The following PCDHA7 variants were observed in gnomAD, a reference collection of about 807,000 sequenced individuals.
PCDHA7 encodes protocadherin alpha 7, also known as protocadherin alpha-7.
PCDHA7 carries 37 observed loss-of-function variants against 57.2 expected under a neutral mutation model. That is an observed-to-expected ratio of 0.65 (90% confidence interval 0.50 to 0.85). The LOEUF (loss-of-function observed/expected upper bound fraction) is 0.85. Ranked by LOEUF, PCDHA7 falls within the 40% of genes least tolerant of loss-of-function variation. PCDHA7 has a pLI of 0.00. For synonymous variants in PCDHA7, 553 were observed against 558.8 expected, an observed-to-expected ratio of 0.99 and a Z score of 0.15; for missense variants, 1,188 against 1,241.8, an observed-to-expected ratio of 0.96 and a Z score of 0.65.
At chr5:140,931,246 C>A (rs2087398062) in intron 1 of PCDHA7, among the ~76,000 whole-genome samples, 1 of 152,114 alleles carries the variant, frequency 6.6e-6, no homozygotes, top group East Asian at 1.9e-4. Flanking sequence ...ACTTTTCCTA[C>A]CAAGAAATTT....
intron 1 of PCDHA7, among the ~76,000 whole-genome samples, chr5:140,932,231 A>G (rs2088135026): frequency 6.6e-6 from 1 of 151,848 alleles, no homozygotes; most frequent in African/African-American, 2.4e-5. Context: ...AATTTTTTAG[A>G]ATGGTATCTA....
intron 1 of PCDHA7, chr5:140,869,457 T>C: frequency 6.2e-7 from 1 of 1,614,184 alleles, no homozygotes. Context: ...AGGTTTTCCA[T>C]GTGAACGTGG....
chr5:140,982,014 C>A (rs546904836), intron 2 of PCDHA7, among the ~76,000 whole-genome samples: 1 of 152,152 alleles, frequency 6.6e-6, no homozygotes, highest in Admixed American at 6.5e-5. Context: ...AATTAGATAG[C>A]CAAATTGGAA....
rs369786229 is a variant in PCDHA7 at position 140,858,286 on chromosome 5, G to T, written c.2355+21548G>T. ...TGTGCTCTAGCGCGGTGGGGAGCTGGTCTTACTCGCAGCAGAGGCGGCAGA... is the reference window on the plus strand; with the variant it reads ...TGTGCTCTAGCGCGGTGGGGAGCTGTTCTTACTCGCAGCAGAGGCGGCAGA... On this transcript the variant is annotated intron_variant, in intron 1 of 3. Coordinates refer to ENST00000525929, the MANE Select transcript of PCDHA7 (RefSeq NM_018910.3). 5.0e-6 allele frequency: 8 copies of T among 1,597,506 alleles called. 1 individual carries two copies. Among genetic ancestry groups the T allele is most frequent in the Non-Finnish European group, 6.9e-6 (8 of 1,167,336 alleles).
chr5:140,870,657 G>A (rs782619046), intron 1 of PCDHA7: 1 of 1,612,514 alleles, frequency 6.2e-7, no homozygotes, highest in East Asian at 2.2e-5. Context: ...AGGTGTACGC[G>A]CTGCAGCCGT....
intron 1 of PCDHA7, chr5:140,859,624 G>C (rs11749013): frequency 0.2 from 31,664 of 160,658 alleles, 6,158 homozygotes; most frequent in Middle Eastern, 0.25. Context: ...TTCTCTTTGA[G>C]TATGGAGATT....
In PCDHA7 at chr5:140,922,322, GA is replaced by G. The variant is rs2080774913; in HGVS notation, c.2356-56624del. Among the ~76,000 whole-genome samples the G allele has an allele frequency of 2.0e-5, 3 of 152,302 alleles. No homozygotes were observed. The East Asian group carries it at 5.8e-4, about 29-fold the overall frequency. ...AGGATACCTTTCACTGAAGATCTTG[GA>G]AAGGGTTGGTATATTGGTATTTTCT... On this transcript the variant is annotated intron_variant, in intron 1 of 3. Transcript: ENST00000525929.
chr5:140,915,312 C>T (rs781796761), intron 1 of PCDHA7, among the ~76,000 whole-genome samples: 2 of 152,122 alleles, frequency 1.3e-5, no homozygotes, highest in Non-Finnish European at 2.9e-5. Flanking sequence ...TTACATACCA[C>T]AATTACAGTG....
At chr5:140,840,103 A>T (rs1298281251) in intron 1 of PCDHA7, among the ~76,000 whole-genome samples, 2 of 152,168 alleles carry the variant, frequency 1.3e-5, no homozygotes, top group East Asian at 1.9e-4. Flanking sequence ...ATTTTAGTGA[A>T]ATCGAGTGAA....
chr5:140,899,653 T>C (rs1478658505), intron 1 of PCDHA7, among the ~76,000 whole-genome samples: 1 of 152,220 alleles, frequency 6.6e-6, no homozygotes, highest in African/African-American at 2.4e-5. Context: ...TATTTGGTTG[T>C]GTCTCTGCCC....
At chr5:140,922,139 C>A (rs2080663133) in intron 1 of PCDHA7, among the ~76,000 whole-genome samples, 1 of 151,854 alleles carries the variant, frequency 6.6e-6, no homozygotes, top group Non-Finnish European at 1.5e-5. Flanking sequence ...TCTTATCCTC[C>A]ATGAAACTCA....
At chr5:140,941,286 CTCTTTCTT>C (rs5871754) in intron 1 of PCDHA7, among the ~76,000 whole-genome samples, 8 of 106,846 alleles carry the variant, frequency 7.5e-5, no homozygotes, top group East Asian at 5.2e-4. Context: ...TCCTTCCTTT[CTCTTTCTT>C]TCTTTCTTTC....
intron 1 of PCDHA7, among the ~76,000 whole-genome samples, chr5:140,900,374 T>TCAAGAA (rs1554189115): frequency 1.3e-5 from 2 of 151,622 alleles, no homozygotes; most frequent in Non-Finnish European, 2.9e-5. Flanking sequence ...GCCTCCTGGG[T>TCAAGAA]TCAAGCGATT....
At chr5:140,967,405 G>A in intron 1 of PCDHA7, 1 of 1,612,164 alleles carries the variant, frequency 6.2e-7, no homozygotes, top group Non-Finnish European at 8.5e-7. Context: ...TGCTGCGTAA[G>A]GGCCTAGACC....
chr5:140,838,264 C>T (rs1278285410), intron 1 of PCDHA7, among the ~76,000 whole-genome samples: 3 of 144,252 alleles, frequency 2.1e-5, no homozygotes, highest in Admixed American at 7.1e-5. Flanking sequence ...AAGACGCCAA[C>T]AACCAAGCCA....
intron 1 of PCDHA7, chr5:140,857,988 T>A (rs370495338): frequency 6.3e-7 from 1 of 1,596,894 alleles, no homozygotes; most frequent in South Asian, 1.1e-5. Context: ...CAGCGCCTAC[T>A]GGTGCTGGTG....
intron 2 of PCDHA7, among the ~76,000 whole-genome samples, chr5:140,979,752 G>A (rs1048851264): frequency 4.6e-5 from 7 of 152,138 alleles, no homozygotes; most frequent in South Asian, 2.1e-4. Context: ...CATTATTTGC[G>A]AATGTCTTTG....
chr5:140,908,596 T>C (rs1311064984), intron 1 of PCDHA7, among the ~76,000 whole-genome samples: 1 of 152,120 alleles, frequency 6.6e-6, no homozygotes, highest in African/African-American at 2.4e-5. Flanking sequence ...CTGCAGAAGA[T>C]GGAAGGGCCT....
chr5:140,857,377 G>C (rs1347476888), intron 1 of PCDHA7: 3 of 1,598,472 alleles, frequency 1.9e-6, no homozygotes, highest in Non-Finnish European at 1.7e-6. Flanking sequence ...TGTCTGTGGA[G>C]GTGGCCGACG....
Sources: gnomAD v4.1 joint callset for allele counts (sites outside exome capture counted in the v4.1 genomes callset) on GRCh38, gnomAD v4.1.1 for gene constraint, MANE v1.5 for transcripts, NCBI Gene and HGNC (gene_info 2026-07-23, HGNC 2026-07-21) for gene names.